Variants in XDH observed in about 807,000 individuals in gnomAD.
The protein encoded by XDH is xanthine dehydrogenase.
In XDH, 138 loss-of-function variants were observed where a neutral mutation model predicts 156.1. The ratio of observed to expected loss-of-function variants is 0.88; its 90% confidence interval spans 0.77 to 1.02. The LOEUF (loss-of-function observed/expected upper bound fraction) is 1.02, where lower values mean the gene tolerates loss of function less well. Among genes scored for constraint, XDH ranks in the 50% least tolerant of loss-of-function variants. The pLI, the probability that XDH is intolerant of heterozygous loss-of-function variation, is 0.00. For synonymous variants in XDH, 669 were observed against 625.7 expected (o/e 1.07, Z -1.03); for missense variants, 1,849 against 1,684.9 (o/e 1.10, Z -1.71).
intron 24 of XDH, among the ~76,000 whole-genome samples, chr2:31,353,598 G>A (rs976115771): frequency 6.6e-6 from 1 of 152,132 alleles, no homozygotes; most frequent in Non-Finnish European, 1.5e-5. Context: ...TCCCAGACTT[G>A]GGGCAGGAGC....
chr2:31,391,372 T>C (rs1027904386), intron 6 of XDH, among the ~76,000 whole-genome samples: 2 of 152,190 alleles, frequency 1.3e-5, no homozygotes, highest in Non-Finnish European at 2.9e-5. Context: ...ATGGACAGTG[T>C]CCATACTACA....
chr2:31,343,782 G>A (rs1217742699), intron 31 of XDH, among the ~76,000 whole-genome samples: 1 of 141,126 alleles, frequency 7.1e-6, no homozygotes, highest in East Asian at 2.0e-4. Context: ...GTGTATATAT[G>A]TTTATGCCTT....
Position 31,356,108 on chromosome 2 carries a change from C to G in XDH, c.2632-5885G>C, listed in dbSNP as rs556406300. Among the ~76,000 whole-genome samples, 155 of 152,128 alleles carry G rather than the reference C, an allele frequency of 1.0e-3. 1 individual carries two copies. Among genetic ancestry groups the G allele is most frequent in the African/African-American group, 3.7e-3 (153 of 41,516 alleles). On this transcript the variant is annotated intron_variant, in intron 24 of 35. Coordinates refer to ENST00000379416, the MANE Select transcript of XDH (RefSeq NM_000379.4). ...ATTGTGTCTGCCCCAAATAAAAGAGCTGAAAAAGATATGAAGTAAAGACTG... is the reference window on the plus strand; with the variant it reads ...ATTGTGTCTGCCCCAAATAAAAGAGGTGAAAAAGATATGAAGTAAAGACTG...
At chr2:31,368,283 C>A (rs1179865712) in intron 19 of XDH, among the ~76,000 whole-genome samples, 1 of 152,150 alleles carries the variant, frequency 6.6e-6, no homozygotes, top group African/African-American at 2.4e-5. Flanking sequence ...TGAGGAAAAG[C>A]AAAGAATACC....
At chr2:31,391,184 T>C (rs1686752646) in intron 6 of XDH, among the ~76,000 whole-genome samples, 1 of 152,114 alleles carries the variant, frequency 6.6e-6, no homozygotes, top group Non-Finnish European at 1.5e-5. Flanking sequence ...TTTTTTTTTG[T>C]ATGTGAATGT....
At chr2:31,357,007 G>T (rs1383279645) in intron 24 of XDH, among the ~76,000 whole-genome samples, 1 of 152,048 alleles carries the variant, frequency 6.6e-6, no homozygotes, top group Non-Finnish European at 1.5e-5. Flanking sequence ...TCAAAGAGAA[G>T]GTGTCAGGGA....
At chr2:31,376,989 G>T in intron 14 of XDH, 64 bp downstream of exon 14, 1 of 1,591,172 alleles carries the variant, frequency 6.3e-7, no homozygotes, top group Non-Finnish European at 8.6e-7. Context: ...AGCAGCAGCA[G>T]TAACAATGAT....
rs141818141 is a variant in XDH at position 31,408,924 on chromosome 2, T to C, written c.43-2960A>G. Among the ~76,000 whole-genome samples the C allele has an allele frequency of 8.3e-3, 1,257 of 152,330 alleles. 7 individuals carry two copies. Among genetic ancestry groups the C allele is most frequent in the Non-Finnish European group, 0.012 (815 of 68,026 alleles). On this transcript the variant is annotated intron_variant, in intron 1 of 35. Transcript: ENST00000379416. ...AGATGAATGGATAAAGAAAATGTGG[T>C]ACACATACACACTGGAGTGCTATTT... is the stretch of plus-strand genomic sequence containing the variant.
Position 31,405,989 on chromosome 2 carries a change from T to C in XDH, c.43-25A>G, listed in dbSNP as rs564990259. ...CCTATTAAAATAAATGAAAGAAAAATATATCATAGGTATACTTAGTCATCT... is the reference window on the plus strand; with the variant it reads ...CCTATTAAAATAAATGAAAGAAAAACATATCATAGGTATACTTAGTCATCT... On this transcript the variant is annotated intron_variant, in intron 1 of 35. Coordinates refer to ENST00000379416, the MANE Select transcript of XDH (RefSeq NM_000379.4). 8.7e-5 allele frequency: 140 copies of C among 1,611,152 alleles called. No homozygotes were observed. In the South Asian group the frequency reaches 1.4e-3, roughly 16 times the overall value.
rs1178823034 is a variant in XDH, at chr2:31,350,055, T to A, written c.2800A>T (p.Thr934Ser). The A allele has an allele frequency of 1.2e-6, 2 of 1,614,172 alleles. No individual in the cohort carries two copies. Among genetic ancestry groups the A allele is most frequent in the Non-Finnish European group, 1.7e-6 (2 of 1,180,048 alleles). Residue 934 changes from threonine to serine, a missense_variant, in exon 25 of 36, where the codon ACC (threonine) becomes TCC (serine). Thr to Ser is a moderately conservative substitution (Grantham distance 58). Coordinates refer to ENST00000379416, the MANE Select transcript of XDH (RefSeq NM_000379.4). Reference protein sequence around the residue: ...AECWMSEVAVTCGMPAEEVRR... With the variant: ...AECWMSEVAVSCGMPAEEVRR... ...ACCTCCTCTGCAGGCATCCCACAGG[T>A]CACTGCAACTTCACTCATCCAGCAC...
chr2:31,380,364 G>A (rs1008725473), intron 12 of XDH, among the ~76,000 whole-genome samples: 2 of 152,194 alleles, frequency 1.3e-5, no homozygotes, highest in African/African-American at 2.4e-5. Context: ...GCTGGCCCTT[G>A]GGAACTTGTA....
intron 35 of XDH, among the ~76,000 whole-genome samples, chr2:31,336,443 G>A (rs559984866): frequency 1.4e-4 from 22 of 152,224 alleles, no homozygotes; most frequent in African/African-American, 4.1e-4. Context: ...TGTTGGCAAA[G>A]AGCTCGCCTT....
At chr2:31,397,369 C>G (rs1313851564) in intron 6 of XDH, among the ~76,000 whole-genome samples, 1 of 152,242 alleles carries the variant, frequency 6.6e-6, no homozygotes, top group Admixed American at 6.5e-5. Context: ...GGGAAAGCTG[C>G]CAAGCCCAAA....
At chr2:31,355,128 G>A (rs911976690) in intron 24 of XDH, among the ~76,000 whole-genome samples, 12 of 152,130 alleles carry the variant, frequency 7.9e-5, no homozygotes, top group African/African-American at 2.9e-4. Flanking sequence ...CGAAGTGGCA[G>A]TTTTTCAGGT....
Position 31,372,228 on chromosome 2 carries a change from T to C in XDH, c.1856A>G (p.Lys619Arg). Residue 619 changes from lysine to arginine, a missense_variant and splice_region_variant, in exon 17 of 36, where the codon AAG (lysine) becomes AGG (arginine). Transcript: ENST00000379416. ...VTSTRAHAKI[K>R]SIDTSEAKKV... ...AGCTCCTCCTGGCGGTGTCACTCAC[T>C]TGATCTTGGCGTGGGCCCGGGTGCT... is the stretch of plus-strand genomic sequence containing the variant. The C allele has an allele frequency of 6.2e-7, 1 of 1,614,192 alleles. No individual in the cohort carries two copies. Among genetic ancestry groups the C allele is most frequent in the South Asian group, 1.1e-5 (1 of 91,088 alleles).
Position 31,349,818 on chromosome 2 carries a change from T to A in XDH, c.2837A>T (p.Asn946Ile), listed in dbSNP as rs527637523. 1 of 1,613,740 alleles carries A rather than the reference T, an allele frequency of 6.2e-7. No individual in the cohort carries two copies. The highest frequency in any genetic ancestry group is 1.1e-5 in the South Asian group (1 of 91,064). ...GMPAEEVRRK[N>I]LYKEGDLTHF... is the part of the protein sequence containing the mutation. The stretch of plus-strand genomic sequence containing the variant: ...TGTCAGGTCCCCTTCTTTGTACAGG[T>A]TTTTTCTCCGCACCTTCCCAAGGAG... Residue 946 changes from asparagine to isoleucine, a missense_variant, in exon 26 of 36, where the codon AAC becomes ATC. Asn to Ile is a moderately radical substitution (Grantham distance 149). Coordinates refer to ENST00000379416, the MANE Select transcript of XDH (RefSeq NM_000379.4).
intron 12 of XDH, among the ~76,000 whole-genome samples, 194 bp downstream of exon 12, chr2:31,381,439 G>T (rs577459973): frequency 7.7e-4 from 117 of 152,314 alleles, no homozygotes; most frequent in African/African-American, 2.7e-3. Context: ...TTCCTGCTGT[G>T]AATTCTCTAC....
intron 29 of XDH, 138 bp from the exon 30 acceptor site, chr2:31,346,981 C>A: frequency 9.1e-7 from 1 of 1,101,580 alleles, no homozygotes; most frequent in East Asian, 2.5e-5. Flanking sequence ...TGGCCACCCA[C>A]TCCAGAATGA....
intron 17 of XDH, 142 bp downstream of exon 17, chr2:31,372,086 C>A: frequency 8.0e-7 from 1 of 1,249,766 alleles, no homozygotes; most frequent in East Asian, 2.3e-5. Context: ...TAAGGTCTTC[C>A]CCTCTCTCTA....
Sources: allele counts gnomAD v4.1 joint callset (sites outside exome capture counted in the v4.1 genomes callset), GRCh38; gene constraint gnomAD v4.1.1; transcripts MANE v1.5; gene names NCBI Gene and HGNC (gene_info 2026-07-23, HGNC 2026-07-21).